Variants in SHISA9 observed in about 807,000 individuals in gnomAD.
The protein encoded by SHISA9 is protein shisa-9.
Under a neutral mutation model 38.0 loss-of-function variants are expected in SHISA9, and 13 were observed. The ratio of observed to expected loss-of-function variants is 0.34; its 90% CI spans 0.22 to 0.54. The LOEUF (loss-of-function observed/expected upper bound fraction) is 0.54, where lower values mean the gene tolerates loss of function less well. Among genes scored for constraint, SHISA9 ranks in the 20% least tolerant of loss-of-function variants. The probability of loss-of-function intolerance (pLI) is 0.91; values close to 1 mark genes in which losing one functional copy is unlikely to be tolerated. For missense variants in SHISA9, 538 were observed against 575.8 expected, an observed-to-expected ratio of 0.93 and a Z score of 0.67; for synonymous variants, 275 against 242.0, an observed-to-expected ratio of 1.14 and a Z score of -1.27.
chr16:13,362,594 G>A, the SHISA9 span, among the ~76,000 whole-genome samples: 4 of 152,318 alleles, frequency 2.6e-5, no homozygotes, highest in East Asian at 7.7e-4. Context: ...TAAGACATGT[G>A]CAAGGAAGTG....
chr16:13,406,465 G>A, the SHISA9 span, among the ~76,000 whole-genome samples: 313 of 152,254 alleles, frequency 2.1e-3, no homozygotes, highest in African/African-American at 7.1e-3. Flanking sequence ...TAATCCCTAA[G>A]AAATGTGCTC....
chr16:13,429,013 C>T, the SHISA9 span, among the ~76,000 whole-genome samples: 6 of 152,016 alleles, frequency 3.9e-5, no homozygotes, highest in Admixed American at 6.5e-5. Flanking sequence ...GTTATCTGCC[C>T]GCCTCAGCCT....
At chr16:13,355,029 A>G in the SHISA9 span, among the ~76,000 whole-genome samples, 1 of 149,252 alleles carries the variant, frequency 6.7e-6, no homozygotes, top group Non-Finnish European at 1.5e-5. Flanking sequence ...GGTGCAAAGG[A>G]ATAGTAAAGA....
At position 13,201,671 on chromosome 16, in the gene SHISA9, A is replaced by T. The variant is rs533783300; in HGVS notation, c.692-1723A>T. Among the ~76,000 whole-genome samples, 11 of 131,566 alleles carry T rather than the reference A, an allele frequency of 8.4e-5. 3 individuals carry two copies. The highest frequency in any genetic ancestry group is 3.3e-4 in the African/African-American group (11 of 33,034). 86.3% of individuals were successfully genotyped at this position (131,566 alleles called of 152,430 possible). On this transcript the variant is annotated intron_variant, in intron 2 of 4. Transcript: ENST00000558583. ...TCCTACTCTAAACTTGTCCCAGTCC[A>T]TGTGAACTCTGAAGTATCATCATTT...
intron 2 of SHISA9, among the ~76,000 whole-genome samples, chr16:13,060,474 G>A (rs1418603180): frequency 6.6e-6 from 1 of 151,996 alleles, no homozygotes; most frequent in Non-Finnish European, 1.5e-5. Context: ...GGGTGATGGT[G>A]AAGACTGAAA....
chr16:13,090,037 T>G (rs541243531), intron 2 of SHISA9, among the ~76,000 whole-genome samples: 62 of 152,352 alleles, frequency 4.1e-4, no homozygotes, highest in Non-Finnish European at 6.5e-4. Context: ...ACATCTTTAT[T>G]TCTGCCTTCA....
chr16:13,009,960 T>A (rs2072649785), intron 2 of SHISA9, among the ~76,000 whole-genome samples: 1 of 152,158 alleles, frequency 6.6e-6, no homozygotes. Context: ...GAGGATCATT[T>A]GAGGTCAGGA....
In SHISA9 at chr16:13,237,997, A is replaced by G. The variant is rs1398880032; in HGVS notation, c.*2588A>G. On this transcript the variant is annotated 3_prime_UTR_variant, in exon 5 of 5. Transcript: ENST00000558583. ...CATCACAAATTTAAAAAAAATCATCAGTTGCCATAAATAGAAAGCAAACAT... is the reference window on the plus strand; with the variant it reads ...CATCACAAATTTAAAAAAAATCATCGGTTGCCATAAATAGAAAGCAAACAT... The G allele has an allele frequency of 1.3e-5, 2 of 152,220 alleles. No individual in the cohort carries two copies. The highest frequency in any genetic ancestry group is 4.8e-5 in the African/African-American group (2 of 41,456). 9.4% of individuals were successfully genotyped at this position (152,220 alleles called of 1,614,324 possible). A position where few individuals can be genotyped will look rare whatever the true frequency, so the allele number is the denominator to read the frequency against.
At chr16:13,362,194 T>C in the SHISA9 span, among the ~76,000 whole-genome samples, 2 of 140,422 alleles carry the variant, frequency 1.4e-5, no homozygotes, top group African/African-American at 5.4e-5. Context: ...CAAGACCTTG[T>C]CTCTACTAAG....
At position 13,010,369 on chromosome 16, in the gene SHISA9, A is replaced by T. The variant is rs1384457174; in HGVS notation, c.691+93554A>T. On this transcript the variant is annotated intron_variant, in intron 2 of 4. Coordinates refer to ENST00000558583, the MANE Select transcript of SHISA9 (RefSeq NM_001145204.3). ...TAAGACCCCCACCAGACAATAGGAT[A>T]TTGTACTTAAACCAACAGTATCTTA... Among the ~76,000 whole-genome samples the T allele has an allele frequency of 2.0e-5, 3 of 152,198 alleles. No homozygotes were observed. The East Asian group carries it at 5.8e-4, about 29-fold the overall frequency.
At chr16:13,549,436 AATT>A in the SHISA9 span, among the ~76,000 whole-genome samples, 1 of 152,240 alleles carries the variant, frequency 6.6e-6, no homozygotes, top group Non-Finnish European at 1.5e-5. Flanking sequence ...AAATGTGTAC[AATT>A]ATTATGTGTC....
chr16:13,003,871 T>TAAGAAG (rs1263911591), intron 2 of SHISA9, among the ~76,000 whole-genome samples: 1 of 107,668 alleles, frequency 9.3e-6, no homozygotes, highest in African/African-American at 5.3e-5. Context: ...ATAATAATAA[T>TAAGAAG]AATAATAATA....
chr16:12,969,174 A>G lies in SHISA9; in HGVS notation c.691+52359A>G, dbSNP rs545423442. Among the ~76,000 whole-genome samples, 19 of 151,082 alleles carry G rather than the reference A, an allele frequency of 1.3e-4. No individual in the cohort carries two copies. In the South Asian group the frequency reaches 3.4e-3, roughly 27 times the overall value. ...TCCATCTCAAAAGAAAAAAAAAAAA[A>G]GAAAAAAAAACGGAGGTGCACACGA... is the stretch of plus-strand genomic sequence containing the variant. On this transcript the variant is annotated intron_variant, in intron 2 of 4. Transcript: ENST00000558583.
the SHISA9 span, among the ~76,000 whole-genome samples, chr16:13,386,124 C>G: frequency 6.6e-6 from 1 of 152,034 alleles, no homozygotes; most frequent in Non-Finnish European, 1.5e-5. Context: ...AATAGACACA[C>G]ACAAATGAGT....
At chr16:13,205,525 G>A (rs2051055576) in intron 3 of SHISA9, among the ~76,000 whole-genome samples, 2 of 152,288 alleles carry the variant, frequency 1.3e-5, no homozygotes, top group African/African-American at 2.4e-5. Context: ...CTTACCATCT[G>A]TGTAGCCTTG....
chr16:13,064,096 A>C (rs75265473), intron 2 of SHISA9, among the ~76,000 whole-genome samples: 7,932 of 152,160 alleles, frequency 0.052, 342 homozygotes, highest in Admixed American at 0.14. Flanking sequence ...TTTGAGATGG[A>C]GTCTCACTGT....
intron 2 of SHISA9, among the ~76,000 whole-genome samples, chr16:13,157,852 T>G (rs950717117): frequency 2.6e-5 from 4 of 152,340 alleles, no homozygotes; most frequent in Admixed American, 2.6e-4. Flanking sequence ...TTGAGTCTTG[T>G]TCTGAGAGGA....
chr16:13,259,131 G>C, the SHISA9 span, among the ~76,000 whole-genome samples: 5 of 152,206 alleles, frequency 3.3e-5, no homozygotes, highest in Non-Finnish European at 7.4e-5. Flanking sequence ...GGTAAATACA[G>C]CCATTCCAAA....
At chr16:13,350,533 G>C in the SHISA9 span, 1 of 152,156 alleles carries the variant, frequency 6.6e-6, no homozygotes, top group Non-Finnish European at 1.5e-5. Flanking sequence ...ACTGATAAAT[G>C]CTCACTTATA....
Sources: allele counts gnomAD v4.1 joint callset (sites outside exome capture counted in the v4.1 genomes callset), GRCh38; gene constraint gnomAD v4.1.1; transcripts MANE v1.5; gene names NCBI Gene and HGNC (gene_info 2026-07-23, HGNC 2026-07-21).